The following CELF2 variants were observed in gnomAD, a reference collection of about 807,000 sequenced individuals.
CELF2 encodes the protein CUG triplet repeat RNA-binding protein 2.
A neutral mutation model predicts 62.6 loss-of-function variants in CELF2; 8 were observed. That is an observed-to-expected ratio of 0.13 (90% CI 0.07 to 0.23). The LOEUF (loss-of-function observed/expected upper bound fraction) is 0.23, where lower values mean the gene tolerates loss of function less well. CELF2 is among the 10% of genes least tolerant of loss of function. The pLI, the probability that CELF2 is intolerant of heterozygous loss-of-function variation, is 1.00. For synonymous variants in CELF2, 258 were observed against 250.0 expected (o/e 1.03, Z -0.30); for missense variants, 333 against 671.0 (o/e 0.50, Z 5.56).
At chr10:10,580,629 A>G in the CELF2 span, among the ~76,000 whole-genome samples, 1 of 152,190 alleles carries the variant, frequency 6.6e-6, no homozygotes. Flanking sequence ...CAATTTTGAA[A>G]GTTCCTGGCA....
chr10:10,773,625 A>G, the CELF2 span, among the ~76,000 whole-genome samples: 1 of 152,204 alleles, frequency 6.6e-6, no homozygotes, highest in Admixed American at 6.5e-5. Flanking sequence ...GTGGTATTTC[A>G]ACACTGGCTG....
chr10:10,827,327 T>C (rs1417226670), intron 1 of CELF2, among the ~76,000 whole-genome samples: 1 of 152,204 alleles, frequency 6.6e-6, no homozygotes, highest in Non-Finnish European at 1.5e-5. Context: ...TTATTAACTC[T>C]GTTAAGAATT....
chr10:11,312,050 C>T (rs2094585680), intron 9 of CELF2, among the ~76,000 whole-genome samples: 1 of 152,126 alleles, frequency 6.6e-6, no homozygotes, highest in Non-Finnish European at 1.5e-5. Flanking sequence ...ATCTTTAAAA[C>T]AGAGAGAAAA....
At chr10:10,873,379 CT>C (rs1287780457) in intron 1 of CELF2, among the ~76,000 whole-genome samples, 1 of 152,068 alleles carries the variant, frequency 6.6e-6, no homozygotes, top group Non-Finnish European at 1.5e-5. Flanking sequence ...AATTTTAGCC[CT>C]CGGGGTAACA....
chr10:10,575,867 C>T, the CELF2 span, among the ~76,000 whole-genome samples: 1 of 152,160 alleles, frequency 6.6e-6, no homozygotes. Flanking sequence ...CTGAAAAAAA[C>T]ATCTTTCAAG....
rs2091079135 is a variant in CELF2 at position 11,285,835 on chromosome 10, G to A, written c.842-2583G>A. 4.9e-5 allele frequency among the ~76,000 whole-genome samples: 1 copy of A among 20,236 alleles called. No individual in the cohort carries two copies. Among genetic ancestry groups the A allele is most frequent in the African/African-American group, 1.7e-4 (1 of 5,970 alleles). The allele number at this position is 20,236 out of a possible 152,430, so 13.3% of individuals were successfully genotyped here. ...ACCTACTATATATATTGGTGTGTGT[G>A]TGTGTGTGTGTGTGTGTGTGTGTGT... is the stretch of plus-strand genomic sequence containing the variant. On this transcript the variant is annotated intron_variant, in intron 8 of 12. Coordinates refer to ENST00000633077, the MANE Select transcript of CELF2 (RefSeq NM_001326342.2). This position sits in a 1 kb window ranked among gnomAD's most constrained non-coding sequence, Gnocchi z 4.3.
intron 1 of CELF2, among the ~76,000 whole-genome samples, chr10:11,070,703 A>G (rs964286821): frequency 3.9e-5 from 6 of 152,296 alleles, no homozygotes; most frequent in Admixed American, 2.6e-4. Flanking sequence ...TGAAGAGACG[A>G]TGAGCTTGTG....
the CELF2 span, among the ~76,000 whole-genome samples, chr10:10,740,895 C>G: frequency 6.6e-6 from 1 of 151,858 alleles, no homozygotes. Flanking sequence ...TACATAGAAA[C>G]AAGGAGTATA....
At chr10:11,114,629 A>G (rs989255253) in intron 1 of CELF2, among the ~76,000 whole-genome samples, 1 of 152,218 alleles carries the variant, frequency 6.6e-6, no homozygotes, top group East Asian at 1.9e-4. Flanking sequence ...GTGGATGATG[A>G]TGGTGAATTT....
chr10:10,627,496 C>G, the CELF2 span, among the ~76,000 whole-genome samples: 1 of 152,206 alleles, frequency 6.6e-6, no homozygotes, highest in African/African-American at 2.4e-5. Context: ...ACGCAAAGCC[C>G]TAAAAATTAG....
chr10:11,243,683 T>TAAAAAGA lies in CELF2; in HGVS notation c.355-5470_355-5469insAAAAAGA. 1.3e-5 allele frequency among the ~76,000 whole-genome samples: 2 copies of TAAAAAGA among 152,188 alleles called. No individual in the cohort carries two copies. The highest frequency in any genetic ancestry group is 2.9e-5 in the Non-Finnish European group (2 of 68,036). On this transcript the variant is annotated intron_variant, in intron 3 of 12. Coordinates refer to ENST00000633077, the MANE Select transcript of CELF2 (RefSeq NM_001326342.2). The surrounding 1 kb of genome is among the most constrained non-coding windows in gnomAD (Gnocchi z 4.1). The stretch of plus-strand genomic sequence containing the variant: ...ACCACTCTGTAAAGTCAGAGGCTGG[T>TAAAAAGA]GTTTGTAAAATTCTTAGACTCGTCG...
chr10:10,561,099 C>T, the CELF2 span, among the ~76,000 whole-genome samples: 2 of 152,064 alleles, frequency 1.3e-5, no homozygotes, highest in Non-Finnish European at 2.9e-5. Flanking sequence ...GCACCAGGCT[C>T]TCACAAATAT....
At position 11,288,537 on chromosome 10, in the gene CELF2, G is replaced by A. The variant is rs1465990713; in HGVS notation, c.961G>A (p.Ala321Thr). Residue 321 changes from alanine (A) to threonine (T), a missense_variant, in exon 9 of 13, where the codon GCC becomes ACC. Ala to Thr is a moderately conservative substitution (Grantham distance 58, BLOSUM62 0). Transcript: ENST00000633077. ...PLSTTSSALG[A>T]LTSPVAASTP... ...CTCTACCACGAGCAGCGCCCTGGGA[G>A]CCCTCACGAGTCCCGGTGAGTGTGG... The A allele has an allele frequency of 6.2e-7, 1 of 1,613,818 alleles. No homozygotes were observed. Among genetic ancestry groups the A allele is most frequent in the Non-Finnish European group, 8.5e-7 (1 of 1,179,996 alleles).
At chr10:11,105,712 C>T (rs1209917675) in intron 1 of CELF2, among the ~76,000 whole-genome samples, 1 of 152,236 alleles carries the variant, frequency 6.6e-6, no homozygotes, top group African/African-American at 2.4e-5. Context: ...CAGCTGTGTG[C>T]TCTAGCACCC....
the CELF2 span, among the ~76,000 whole-genome samples, chr10:10,493,545 T>C: frequency 1.3e-5 from 2 of 151,930 alleles, no homozygotes. Flanking sequence ...GTTTCTTTTT[T>C]TCTTGAGATG....
At chr10:11,164,024 G>A (rs940888482) in intron 1 of CELF2, among the ~76,000 whole-genome samples, 1 of 152,216 alleles carries the variant, frequency 6.6e-6, no homozygotes, top group African/African-American at 2.4e-5. Context: ...ATCACATCTG[G>A]CCCTTGCAGT....
At chr10:11,051,847 C>T (rs2063987781) in intron 1 of CELF2, among the ~76,000 whole-genome samples, 1 of 151,728 alleles carries the variant, frequency 6.6e-6, no homozygotes, top group Non-Finnish European at 1.5e-5. Flanking sequence ...ATCTTAACTG[C>T]TTCCTAGACT....
chr10:10,515,247 A>T, the CELF2 span, among the ~76,000 whole-genome samples: 1 of 152,208 alleles, frequency 6.6e-6, no homozygotes, highest in African/African-American at 2.4e-5. Context: ...TCAATTCTGT[A>T]TGTGTAATGA....
At chr10:10,683,903 C>T in the CELF2 span, among the ~76,000 whole-genome samples, 2 of 152,250 alleles carry the variant, frequency 1.3e-5, no homozygotes, top group East Asian at 3.9e-4. Flanking sequence ...CAAGAGGGTC[C>T]CCAGGACCTC....
Sources: allele counts gnomAD v4.1 joint callset (sites outside exome capture counted in the v4.1 genomes callset), GRCh38; gene constraint gnomAD v4.1.1; non-coding constraint Gnocchi (gnomAD v3.1); transcripts MANE v1.5; gene names NCBI Gene and HGNC (gene_info 2026-07-23, HGNC 2026-07-21).